CFAP69: variants seen among roughly 807,000 people sequenced by gnomAD.
The protein encoded by CFAP69 is cilia and flagella associated protein 69.
CFAP69 carries 92 observed loss-of-function variants against 123.0 expected under a neutral mutation model. The ratio of observed to expected loss-of-function variants is 0.75; its 90% CI spans 0.63 to 0.89. CFAP69 has a LOEUF of 0.89. Among genes scored for constraint, CFAP69 ranks in the 40% least tolerant of loss-of-function variants. The probability of loss-of-function intolerance (pLI) is 0.00; values close to 1 mark genes in which losing one functional copy is unlikely to be tolerated. For missense variants in CFAP69, 1,067 were observed against 1,096.9 expected, an observed-to-expected ratio of 0.97 and a Z score of 0.39; for synonymous variants, 380 against 364.3, an observed-to-expected ratio of 1.04 and a Z score of -0.49.
intron 4 of CFAP69, 133 bp downstream of exon 4, chr7:90,262,189 G>T: frequency 1.8e-6 from 1 of 551,298 alleles, no homozygotes; most frequent in South Asian, 2.5e-5. Context: ...TTCATCACTT[G>T]ATTCCAGCAG....
In CFAP69 at chr7:90,255,080, T is replaced by C. The variant is rs186960004; in HGVS notation, c.121-343T>C. ...TATAGTTTAGAAGCTACTCTTACCA[T>C]GTATCTGCATAGGCAAACTTAGTGT... On this transcript the variant is annotated intron_variant, in intron 1 of 22. Coordinates refer to ENST00000389297, the MANE Select transcript of CFAP69 (RefSeq NM_001039706.3). 4.6e-5 allele frequency among the ~76,000 whole-genome samples: 7 copies of C among 152,352 alleles called. No homozygotes were observed. In the East Asian group the frequency reaches 1.2e-3, roughly 25 times the overall value.
At chr7:90,311,933 G>A (rs1238666405), downstream of CFAP69, among the ~76,000 whole-genome samples, 1 of 152,126 alleles carries the variant, frequency 6.6e-6, no homozygotes, top group African/African-American at 2.4e-5. Flanking sequence ...GGAACCCTAA[G>A]CATGGGTAGG....
intron 17 of CFAP69, chr7:90,303,091 A>G (rs915362652): frequency 2.6e-4 from 39 of 151,826 alleles, no homozygotes; most frequent in African/African-American, 9.2e-4. Context: ...TGTGAATGGG[A>G]TTGTGTTTCT....
chr7:90,321,947 G>A, the CFAP69 span, among the ~76,000 whole-genome samples: 26 of 152,298 alleles, frequency 1.7e-4, no homozygotes, highest in African/African-American at 6.0e-4. Flanking sequence ...GCGATGATCA[G>A]ATGGGGCTAG....
At chr7:90,307,918 C>A in intron 21 of CFAP69, 64 bp downstream of exon 21, 1 of 1,040,366 alleles carries the variant, frequency 9.6e-7, no homozygotes, top group South Asian at 1.5e-5. Context: ...CAGACTTTTT[C>A]AGGAACAAAT....
At chr7:90,304,643 GTAGA>G (rs66750678) in intron 18 of CFAP69, 97 bp from the exon 19 acceptor site, 128,320 of 1,272,886 alleles carry the variant, frequency 0.1, 5,896 homozygotes, top group Middle Eastern at 0.16. Flanking sequence ...TTTTAGATAG[GTAGA>G]TAGATAGATA....
rs1417691189 is a variant in CFAP69 at position 90,249,802 on chromosome 7, A to G, written c.120+4258A>G. 3.3e-5 allele frequency among the ~76,000 whole-genome samples: 5 copies of G among 152,126 alleles called. No individual in the cohort carries two copies. In the East Asian group the frequency reaches 5.8e-4, roughly 18 times the overall value. ...AACCCCAGCACTCCGCTTTTCTAAC[A>G]GGTTTCCAGGTGATGCTTGTGCTGC... On this transcript the variant is annotated intron_variant, in intron 1 of 22. Transcript: ENST00000389297.
chr7:90,248,338 A>C (rs1796567794), intron 1 of CFAP69, among the ~76,000 whole-genome samples: 1 of 152,246 alleles, frequency 6.6e-6, no homozygotes, highest in African/African-American at 2.4e-5. Flanking sequence ...GGCAGCAGGT[A>C]AAATGTACGG....
In CFAP69 at chr7:90,255,077, C is replaced by T. The variant is rs1051509926; in HGVS notation, c.121-346C>T. Among the ~76,000 whole-genome samples the T allele has an allele frequency of 7.7e-4, 117 of 152,220 alleles. 1 individual carries two copies. Among genetic ancestry groups the T allele is most frequent in the Non-Finnish European group, 4.4e-4 (30 of 68,012 alleles). On this transcript the variant is annotated intron_variant, in intron 1 of 22. Coordinates refer to ENST00000389297, the MANE Select transcript of CFAP69 (RefSeq NM_001039706.3). ...ACCTATAGTTTAGAAGCTACTCTTA[C>T]CATGTATCTGCATAGGCAAACTTAG...
chr7:90,311,461 A>C (rs1794322646), downstream of CFAP69, among the ~76,000 whole-genome samples: 1 of 152,334 alleles, frequency 6.6e-6, no homozygotes, highest in African/African-American at 2.4e-5. Context: ...CACAGTATAA[A>C]TACTGCCACT....
the CFAP69 span, chr7:90,317,125 A>T: frequency 6.6e-6 from 1 of 151,956 alleles, no homozygotes; most frequent in African/African-American, 2.4e-5. Context: ...CAGTTTAATG[A>T]TAAAGAACAC....
At chr7:90,314,243 T>C (rs1430528067), downstream of CFAP69, among the ~76,000 whole-genome samples, 1 of 152,092 alleles carries the variant, frequency 6.6e-6, no homozygotes, top group African/African-American at 2.4e-5. Context: ...ACTACTGAAA[T>C]CTGAATAAAA....
chr7:90,305,169 T>G (rs993063402), intron 19 of CFAP69, among the ~76,000 whole-genome samples: 1 of 151,710 alleles, frequency 6.6e-6, no homozygotes, highest in Non-Finnish European at 1.5e-5. Context: ...GGTGAAACCC[T>G]GTCTCTACTA....
At position 90,260,441 on chromosome 7, in the gene CFAP69, G is replaced by A. The variant is rs143267693; in HGVS notation, c.247-1506G>A. ...AGGCTGAGGCTGAGGTGGAAGGGTC[G>A]TTTGAGCCCAGAAATTCGAGGCTGC... On this transcript the variant is annotated intron_variant, in intron 3 of 22. Coordinates refer to ENST00000389297, the MANE Select transcript of CFAP69 (RefSeq NM_001039706.3). 3.7e-4 allele frequency among the ~76,000 whole-genome samples: 56 copies of A among 152,156 alleles called. 1 individual carries two copies. The East Asian group carries it at 8.9e-3, about 24-fold the overall frequency.
the CFAP69 span, among the ~76,000 whole-genome samples, chr7:90,316,141 A>G: frequency 6.6e-6 from 1 of 152,208 alleles, no homozygotes; most frequent in East Asian, 1.9e-4. Flanking sequence ...GAGGAACTTT[A>G]GACATAGATA....
chr7:90,310,250 G>GA lies in CFAP69; in HGVS notation c.*13dup. ...GTATTCCTACGTAATATACTATAGA[G>GA]ACTTTTTGAAATAAAGTCAGCTTAT... On this transcript the variant is annotated 3_prime_UTR_variant, in exon 23 of 23. Coordinates refer to ENST00000389297, the MANE Select transcript of CFAP69 (RefSeq NM_001039706.3). The GA allele has an allele frequency of 1.9e-6, 3 of 1,571,904 alleles. No homozygotes were observed. The highest frequency in any genetic ancestry group is 2.6e-6 in the Non-Finnish European group (3 of 1,156,920).
chr7:90,246,294 C>T (rs912970136), intron 1 of CFAP69, among the ~76,000 whole-genome samples: 6 of 152,186 alleles, frequency 3.9e-5, no homozygotes, highest in Non-Finnish European at 8.8e-5. Context: ...TACTAGGATT[C>T]CATTGATCCC....
chr7:90,293,260 C>T (rs1207261063), intron 15 of CFAP69, among the ~76,000 whole-genome samples: 2 of 152,128 alleles, frequency 1.3e-5, no homozygotes, highest in Non-Finnish European at 2.9e-5. Context: ...ATTAATTTTA[C>T]ACTCAATTCT....
At chr7:90,297,533 G>A (rs1030871021) in intron 15 of CFAP69, among the ~76,000 whole-genome samples, 6 of 152,118 alleles carry the variant, frequency 3.9e-5, no homozygotes, top group Admixed American at 2.0e-4. Context: ...AGGCAGTTAT[G>A]GAAAAGAATG....
Sources: gnomAD v4.1 joint callset for allele counts (sites outside exome capture counted in the v4.1 genomes callset) on GRCh38, gnomAD v4.1.1 for gene constraint, MANE v1.5 for transcripts, NCBI Gene and HGNC (gene_info 2026-07-23, HGNC 2026-07-21) for gene names.